Variants in FAM53B observed in about 807,000 individuals in gnomAD.
FAM53B encodes the protein family with sequence similarity 53 member B, also known as protein FAM53B.
In FAM53B, 12 loss-of-function variants were observed where a neutral mutation model predicts 32.7. That is an observed-to-expected ratio of 0.37 (90% CI 0.24 to 0.59). The LOEUF is 0.59. Among genes scored for constraint, FAM53B ranks in the 20% least tolerant of loss-of-function variants. FAM53B has a pLI of 0.72. For synonymous variants in FAM53B, 234 were observed against 228.7 expected, an observed-to-expected ratio of 1.02 and a Z score of -0.21; for missense variants, 477 against 577.7, an observed-to-expected ratio of 0.83 and a Z score of 1.79.
At chr10:124,662,498 CCATCCATCCA>C in intron 4 of FAM53B, among the ~76,000 whole-genome samples, 1 of 73,492 alleles carries the variant, frequency 1.4e-5, no homozygotes, top group Non-Finnish European at 2.6e-5. Flanking sequence ...ATCCATCCAT[CCATCCATCCA>C]TCCATGTATT....
intron 4 of FAM53B, among the ~76,000 whole-genome samples, chr10:124,660,093 C>T (rs753704251): frequency 4.6e-5 from 7 of 152,226 alleles, no homozygotes; most frequent in African/African-American, 4.8e-5. Flanking sequence ...AGGCATGAGC[C>T]GCTGTGCCTG....
chr10:124,640,279 C>A (rs534709468), intron 4 of FAM53B, among the ~76,000 whole-genome samples: 1 of 152,234 alleles, frequency 6.6e-6, no homozygotes, highest in Non-Finnish European at 1.5e-5. Flanking sequence ...CACACCTCTC[C>A]GGCCAGCACC....
chr10:124,687,688 G>GTA (rs1949810928), intron 3 of FAM53B, among the ~76,000 whole-genome samples: 1 of 152,144 alleles, frequency 6.6e-6, no homozygotes, highest in African/African-American at 2.4e-5. Flanking sequence ...CATCCTTTGG[G>GTA]GGTGTTTGTT....
chr10:124,715,507 C>A (rs1294623789), intron 1 of FAM53B, among the ~76,000 whole-genome samples: 1 of 152,214 alleles, frequency 6.6e-6, no homozygotes, highest in African/African-American at 2.4e-5. Context: ...ATGCCTCCCC[C>A]ACTGCCACCC....
At chr10:124,735,836 G>A (rs190558393) in intron 1 of FAM53B, among the ~76,000 whole-genome samples, 200 of 152,386 alleles carry the variant, frequency 1.3e-3, no homozygotes, top group Non-Finnish European at 2.4e-3. Context: ...GGGCCAGAGA[G>A]ACAGTCGCCT....
At chr10:124,702,448 C>G (rs760384010) in intron 2 of FAM53B, among the ~76,000 whole-genome samples, 19 of 152,178 alleles carry the variant, frequency 1.2e-4, no homozygotes, top group Non-Finnish European at 2.8e-4. Flanking sequence ...CATCACTAGA[C>G]TAAGATTATT....
chr10:124,648,882 C>A (rs949966896), intron 4 of FAM53B, among the ~76,000 whole-genome samples: 16 of 152,244 alleles, frequency 1.1e-4, no homozygotes, highest in African/African-American at 3.4e-4. Flanking sequence ...GAATGTGCAG[C>A]GTCACTGGAG....
At chr10:124,676,776 C>T (rs1266061411) in intron 4 of FAM53B, among the ~76,000 whole-genome samples, 2 of 152,154 alleles carry the variant, frequency 1.3e-5, no homozygotes, top group South Asian at 4.1e-4. Context: ...CCCAGGAATA[C>T]GGCTCTCAGA....
At chr10:124,692,895 T>C (rs1949843583) in intron 3 of FAM53B, among the ~76,000 whole-genome samples, 1 of 152,010 alleles carries the variant, frequency 6.6e-6, no homozygotes, top group Admixed American at 6.6e-5. Context: ...TGCAGAACAT[T>C]TGTGAAACTT....
intron 1 of FAM53B, among the ~76,000 whole-genome samples, chr10:124,731,678 T>C (rs1428809596): frequency 1.3e-5 from 2 of 152,012 alleles, no homozygotes; most frequent in Admixed American, 1.3e-4. Flanking sequence ...GGGGTTCCAC[T>C]TCACTGGAAC....
intron 1 of FAM53B, among the ~76,000 whole-genome samples, chr10:124,723,879 G>C (rs1950085866): frequency 6.6e-6 from 1 of 152,216 alleles, no homozygotes; most frequent in South Asian, 2.1e-4. Flanking sequence ...GAAACAAAAA[G>C]TATTTCTAGG....
intron 1 of FAM53B, among the ~76,000 whole-genome samples, chr10:124,719,047 T>TAAAA (rs34673024): frequency 6.7e-6 from 1 of 148,878 alleles, no homozygotes; most frequent in Non-Finnish European, 1.5e-5. Flanking sequence ...ACAAAAAAAA[T>TAAAA]AAAAAAAAAG....
chr10:124,691,073 A>G (rs1367132023), intron 3 of FAM53B, among the ~76,000 whole-genome samples: 1 of 152,188 alleles, frequency 6.6e-6, no homozygotes, highest in Admixed American at 6.5e-5. Flanking sequence ...TTTTCCTGCA[A>G]TGCGCAATCA....
At position 124,684,552 on chromosome 10, in the gene FAM53B, C is replaced by T. The variant is rs116930995; in HGVS notation, c.134-2173G>A. On this transcript the variant is annotated intron_variant, in intron 3 of 4. Coordinates refer to ENST00000337318, the MANE Select transcript of FAM53B (RefSeq NM_014661.4). ...AATTTTTTTTTGAGACAGGACCTGC[C>T]TCTGTGGCCCAGGCTGGAGTACAGT... 9.4e-3 allele frequency among the ~76,000 whole-genome samples: 1,427 copies of T among 152,288 alleles called. 12 individuals are homozygous for T. The highest frequency in any genetic ancestry group is 0.044 in the South Asian group (213 of 4,824).
At chr10:124,685,401 G>T (rs1043241264) in intron 3 of FAM53B, among the ~76,000 whole-genome samples, 1 of 152,262 alleles carries the variant, frequency 6.6e-6, no homozygotes, top group African/African-American at 2.4e-5. Context: ...CCCGCCCTCT[G>T]CTGGGTTGGC....
intron 3 of FAM53B, among the ~76,000 whole-genome samples, chr10:124,689,709 C>T (rs901991305): frequency 1.3e-4 from 20 of 152,250 alleles, no homozygotes; most frequent in Non-Finnish European, 2.2e-4. Context: ...CCTGCCCTTA[C>T]CAGCAGAGTT....
chr10:124,696,014 A>G (rs1949867028), intron 3 of FAM53B, 144 bp downstream of exon 3: 3 of 693,540 alleles, frequency 4.3e-6, no homozygotes, highest in African/African-American at 1.8e-5. Context: ...AGGGGACCAA[A>G]ATAGTTAAAA....
intron 3 of FAM53B, among the ~76,000 whole-genome samples, chr10:124,693,268 A>G (rs538245399): frequency 7.2e-5 from 11 of 152,090 alleles, no homozygotes; most frequent in African/African-American, 2.7e-4. Flanking sequence ...TCAGGAAATC[A>G]AGACCATCCT....
At chr10:124,667,209 T>C in intron 4 of FAM53B, 1 of 556,316 alleles carries the variant, frequency 1.8e-6, no homozygotes, top group East Asian at 3.1e-5. Flanking sequence ...CATGATTTAC[T>C]TACATCGATG....
Sources: gnomAD v4.1 joint callset for allele counts (sites outside exome capture counted in the v4.1 genomes callset) on GRCh38, gnomAD v4.1.1 for gene constraint, MANE v1.5 for transcripts, NCBI Gene and HGNC (gene_info 2026-07-23, HGNC 2026-07-21) for gene names.